The following SLC25A10 variants were observed in gnomAD, a reference collection of about 807,000 sequenced individuals.
The protein encoded by SLC25A10 is mitochondrial dicarboxylate carrier.
A neutral mutation model predicts 40.4 loss-of-function variants in SLC25A10; 32 were observed. That is an observed-to-expected ratio of 0.79 (90% confidence interval 0.60 to 1.06). The LOEUF (loss-of-function observed/expected upper bound fraction) is 1.06. Ranked by LOEUF, SLC25A10 falls within the 50% of genes least tolerant of loss-of-function variation. The pLI, the probability that SLC25A10 is intolerant of heterozygous loss-of-function variation, is 0.00. For synonymous variants in SLC25A10, 181 were observed against 171.1 expected (o/e 1.06, Z -0.45); for missense variants, 394 against 402.6 (o/e 0.98, Z 0.18).
intron 1 of SLC25A10, chr17:81,713,425 C>G: frequency 1.0e-6 from 1 of 985,204 alleles, no homozygotes; most frequent in Non-Finnish European, 1.2e-6. Flanking sequence ...AGCAGCCTGT[C>G]CAGGGGACTT....
intron 9 of SLC25A10, among the ~76,000 whole-genome samples, 157 bp downstream of exon 9, chr17:81,718,018 C>T (rs2037521166): frequency 6.6e-6 from 1 of 152,154 alleles, no homozygotes; most frequent in African/African-American, 2.4e-5. Context: ...GAGGGTTGTG[C>T]CTTTGAATGC....
intron 9 of SLC25A10, among the ~76,000 whole-genome samples, chr17:81,719,276 C>T (rs1009368628): frequency 1.3e-5 from 2 of 151,962 alleles, no homozygotes; most frequent in African/African-American, 2.4e-5. Flanking sequence ...CCATGTTCGC[C>T]AGGCTGGTCT....
At chr17:81,718,441 C>T (rs750742040) in intron 9 of SLC25A10, among the ~76,000 whole-genome samples, 1 of 151,672 alleles carries the variant, frequency 6.6e-6, no homozygotes, top group Non-Finnish European at 1.5e-5. Context: ...GCCGAGATCA[C>T]ACCATTGCAC....
At chr17:81,713,324 C>T (rs1019016315) in intron 1 of SLC25A10, 6 of 338,882 alleles carry the variant, frequency 1.8e-5, no homozygotes, top group Non-Finnish European at 2.5e-5. Context: ...AAGAAAGGGC[C>T]TGAGGCTTTG....
intron 9 of SLC25A10, among the ~76,000 whole-genome samples, chr17:81,718,355 TGC>T (rs1228250682): frequency 2.0e-5 from 3 of 151,696 alleles, no homozygotes; most frequent in Non-Finnish European, 4.4e-5. Context: ...TGTGGTGGCG[TGC>T]GCCTGTAATC....
intron 5 of SLC25A10, among the ~76,000 whole-genome samples, chr17:81,716,394 G>A (rs376565399): frequency 6.6e-6 from 1 of 152,198 alleles, no homozygotes; most frequent in South Asian, 2.1e-4. Context: ...GGGCAGCTGT[G>A]CCCTCCTGCC....
chr17:81,720,221 C>G lies in SLC25A10; in HGVS notation c.*144C>G. ...CAGCAGGCCCCTGCTGTCCCCCCAC[C>G]TGCTGGCTGAGCTCCTCCTGGCCTC... On this transcript the variant is annotated 3_prime_UTR_variant, in exon 11 of 11. Coordinates refer to ENST00000350690, the MANE Select transcript of SLC25A10 (RefSeq NM_012140.5). The G allele has an allele frequency of 6.8e-7, 1 of 1,461,088 alleles. No homozygotes were observed. Among genetic ancestry groups the G allele is most frequent in the Non-Finnish European group, 9.0e-7 (1 of 1,114,476 alleles). The allele number at this position is 1,461,088 out of a possible 1,614,324, so 90.5% of individuals were successfully genotyped here.
chr17:81,719,684 G>A, intron 9 of SLC25A10, 147 bp from the exon 10 acceptor site: 1 of 931,350 alleles, frequency 1.1e-6, no homozygotes. Context: ...TTACCAGCCA[G>A]CAGCCGCCGC....
At chr17:81,712,749 C>G (rs550629283) in intron 1 of SLC25A10, among the ~76,000 whole-genome samples, 1 of 152,370 alleles carries the variant, frequency 6.6e-6, no homozygotes, top group Non-Finnish European at 1.5e-5. Context: ...GCTTCCCAGC[C>G]GGCTTCCCAG....
chr17:81,718,086 C>CT (rs1427681019), intron 9 of SLC25A10, among the ~76,000 whole-genome samples: 1 of 152,206 alleles, frequency 6.6e-6, no homozygotes, highest in African/African-American at 2.4e-5. Context: ...TGGCTCATGC[C>CT]TGTAACCCCA....
At chr17:81,719,090 C>G (rs1220958220) in intron 9 of SLC25A10, among the ~76,000 whole-genome samples, 1 of 151,758 alleles carries the variant, frequency 6.6e-6, no homozygotes, top group African/African-American at 2.4e-5. Flanking sequence ...CGCCACCATG[C>G]CCGGCTAATT....
chr17:81,717,745 C>T (rs562415428), intron 8 of SLC25A10, 39 bp from the exon 9 acceptor site: 43 of 1,596,036 alleles, frequency 2.7e-5, no homozygotes, highest in Admixed American at 1.5e-4. Context: ...TGGTGCCTGG[C>T]GTACCTGACA....
At chr17:81,714,906 C>A in intron 1 of SLC25A10, 47 bp from the exon 2 acceptor site, 1 of 1,595,662 alleles carries the variant, frequency 6.3e-7, no homozygotes, top group South Asian at 1.1e-5. Flanking sequence ...AACCTGGCAC[C>A]GATCCCTCGG....
In SLC25A10 at chr17:81,717,079, C is replaced by T. The variant is rs765173372; in HGVS notation, c.534+7C>T. ...CTTAGTCACTGTGGGCCAGGTAGGC[C>T]TCCTGCGTGGGGTGGGTGTGGGCAG... On this transcript the variant is annotated splice_region_variant and intron_variant, in intron 7 of 10. Transcript: ENST00000350690. 6.2e-7 allele frequency: 1 copy of T among 1,613,436 alleles called. No individual in the cohort carries two copies. Among genetic ancestry groups the T allele is most frequent in the Non-Finnish European group, 8.5e-7 (1 of 1,179,754 alleles).
rs967913954 is a variant in SLC25A10, at chr17:81,712,332, C to A, written c.-95C>A. ...CGCGCGGGCGGCGCTTTGAACCGGG[C>A]GCGGGGCGCGGGGCGCGGGGCGCTG... On this transcript the variant is annotated 5_prime_UTR_variant, in exon 1 of 11. Coordinates refer to ENST00000350690, the MANE Select transcript of SLC25A10 (RefSeq NM_012140.5). The A allele has an allele frequency of 1.1e-5, 9 of 831,330 alleles. No homozygotes were observed. Among genetic ancestry groups the A allele is most frequent in the South Asian group, 5.7e-5 (1 of 17,530 alleles). 51.5% of individuals were successfully genotyped at this position (831,330 alleles called of 1,614,324 possible).
rs1412162277 is a variant in SLC25A10, at chr17:81,715,880, T to C, written c.378-129T>C. 9 of 1,404,996 alleles carry C rather than the reference T, an allele frequency of 6.4e-6. No individual in the cohort carries two copies. The Admixed American group carries it at 9.2e-5, about 14-fold the overall frequency. The allele number at this position is 1,404,996 out of a possible 1,614,324, so 87.0% of individuals were successfully genotyped here. On this transcript the variant is annotated intron_variant, in intron 4 of 10. Transcript: ENST00000350690. ...CCCTGGTGTCCTGGGCATAGGAGGG[T>C]GGGTGTCCCTGAGCCCCGGCGTGCC...
chr17:81,713,567 A>G, intron 1 of SLC25A10: 10 of 869,616 alleles, frequency 1.1e-5, no homozygotes, highest in Non-Finnish European at 1.2e-5. Flanking sequence ...AGAGGCCTTC[A>G]GAGCTCCCAG....
Position 81,719,833 on chromosome 17 carries a change from C to A in SLC25A10, c.708C>A (p.Gly236=), listed in dbSNP as rs753289722. 6 of 1,613,214 alleles carry A rather than the reference C, an allele frequency of 3.7e-6. No individual in the cohort carries two copies. Among genetic ancestry groups the A allele is most frequent in the Non-Finnish European group, 5.1e-6 (6 of 1,179,906 alleles). The change falls in exon 10 of 11, where the codon GGC becomes GGA. Residue 236 remains glycine, a splice_region_variant and synonymous_variant. Transcript: ENST00000350690. ...TTGTTTCACTGCGTTTTCTGCAGGG[C>A]GTTTTCCACTGCGCCGTGGAGACAG... ...RLMNSKGEYQ[G]VFHCAVETAK... is the part of the protein sequence containing the mutation.
rs1568233298 is a variant in SLC25A10, at chr17:81,720,118, AG to A, written c.*43del. 4 of 1,608,132 alleles carry A rather than the reference AG, an allele frequency of 2.5e-6. No individual in the cohort carries two copies. The highest frequency in any genetic ancestry group is 1.7e-5 in the Admixed American group (1 of 59,966). On this transcript the variant is annotated 3_prime_UTR_variant, in exon 11 of 11. Transcript: ENST00000350690. ...GCTGGGCTGCCAGGCCAGACACGCTAGGTTCTTCCAAAGAGTCCCAAGCCCA... is the reference window on the plus strand; with the variant it reads ...GCTGGGCTGCCAGGCCAGACACGCTAGTTCTTCCAAAGAGTCCCAAGCCCA...
Sources: allele counts gnomAD v4.1 joint callset (sites outside exome capture counted in the v4.1 genomes callset), GRCh38; gene constraint gnomAD v4.1.1; transcripts MANE v1.5; gene names NCBI Gene and HGNC (gene_info 2026-07-23, HGNC 2026-07-21).